The following UPP2 variants were observed in gnomAD, a reference collection of about 807,000 sequenced individuals.
The protein encoded by UPP2 is uridine phosphorylase 2, also known as UPase 2.
In UPP2, 23 loss-of-function variants were observed where a neutral mutation model predicts 26.7. The ratio of observed to expected loss-of-function variants is 0.86; its 90% CI spans 0.62 to 1.22. The LOEUF is 1.22. UPP2 is among the 50% of genes most tolerant of loss of function. The pLI, the probability that UPP2 is intolerant of heterozygous loss-of-function variation, is 0.00. For missense variants in UPP2, 387 were observed against 396.7 expected, an observed-to-expected ratio of 0.98 and a Z score of 0.21; for synonymous variants, 127 against 141.3, an observed-to-expected ratio of 0.90 and a Z score of 0.72.
At chr2:158,086,985 T>C (rs1682827515) in intron 3 of UPP2, among the ~76,000 whole-genome samples, 1 of 152,154 alleles carries the variant, frequency 6.6e-6, no homozygotes, top group Non-Finnish European at 1.5e-5. Context: ...GGTATAATGT[T>C]CTGTAAATAT....
intron 2 of UPP2, among the ~76,000 whole-genome samples, chr2:157,997,595 C>T (rs146103714): frequency 2.6e-4 from 40 of 152,272 alleles, no homozygotes; most frequent in African/African-American, 9.1e-4. Context: ...GGGGAAGATG[C>T]CACCATGGTC....
chr2:158,129,770 T>G (rs1683771842), intron 6 of UPP2, among the ~76,000 whole-genome samples: 2 of 147,138 alleles, frequency 1.4e-5, no homozygotes, highest in Admixed American at 6.7e-5. Flanking sequence ...TTTTTTTTTG[T>G]TTGTTTTTTT....
intron 3 of UPP2, among the ~76,000 whole-genome samples, chr2:158,020,563 C>G (rs1424000633): frequency 1.3e-5 from 2 of 152,218 alleles, no homozygotes; most frequent in African/African-American, 4.8e-5. Context: ...CTCACACTCC[C>G]TGATATTCCA....
Position 158,115,216 on chromosome 2 carries a change from A to G in UPP2, c.296A>G (p.Asp99Gly). 6.2e-7 allele frequency: 1 copy of G among 1,613,458 alleles called. No individual in the cohort carries two copies. The highest frequency in any genetic ancestry group is 8.5e-7 in the Non-Finnish European group (1 of 1,179,704). The change falls in exon 3 of 7, where the codon GAC (aspartate) becomes GGC (glycine). Residue 99 changes from aspartate (D) to glycine (G), a missense_variant. Transcript: ENST00000005756. ...ATAAAAGACATCTGTGCTGGGACAG[A>G]CAGATACTGTATGTACAAAACCGGG... The part of the protein sequence containing the change: ...EDIKDICAGT[D>G]RYCMYKTGPV...
chr2:158,086,800 T>C (rs1682824799), intron 3 of UPP2, among the ~76,000 whole-genome samples: 1 of 152,166 alleles, frequency 6.6e-6, no homozygotes, highest in South Asian at 2.1e-4. Context: ...TGCATGGTTT[T>C]GAAGGTTCCT....
intron 3 of UPP2, among the ~76,000 whole-genome samples, chr2:158,060,969 T>C (rs1004279993): frequency 1.3e-5 from 2 of 152,232 alleles, no homozygotes; most frequent in Admixed American, 6.5e-5. Flanking sequence ...ATGACTAATA[T>C]AGTTTGAGTG....
At chr2:158,075,818 A>G (rs1682622176) in intron 3 of UPP2, among the ~76,000 whole-genome samples, 1 of 152,002 alleles carries the variant, frequency 6.6e-6, no homozygotes, top group Non-Finnish European at 1.5e-5. Flanking sequence ...AAATTATTAG[A>G]AGAAAAGAAA....
chr2:158,036,008 C>T (rs978472449), intron 3 of UPP2, among the ~76,000 whole-genome samples: 1 of 152,188 alleles, frequency 6.6e-6, no homozygotes, highest in African/African-American at 2.4e-5. Flanking sequence ...GATGTTGTCA[C>T]TCCTCTGACA....
intron 3 of UPP2, chr2:158,066,075 G>A: frequency 3.9e-6 from 1 of 256,242 alleles, no homozygotes; most frequent in Non-Finnish European, 7.7e-6. Context: ...ATAAAACTGG[G>A]GTCCCTGATG....
chr2:158,086,449 GTTTAA>G (rs1409522463), intron 3 of UPP2, among the ~76,000 whole-genome samples: 2 of 151,784 alleles, frequency 1.3e-5, no homozygotes, highest in African/African-American at 2.4e-5. Flanking sequence ...CCAGCTTTTT[GTTTAA>G]TTTATCTTTT....
intron 3 of UPP2, among the ~76,000 whole-genome samples, chr2:158,023,107 G>T (rs1349552821): frequency 6.7e-6 from 1 of 148,810 alleles, no homozygotes; most frequent in Non-Finnish European, 1.5e-5. Context: ...GAGACAGGAG[G>T]CCTGATTGGG....
chr2:158,008,545 C>T (rs1484051871), intron 2 of UPP2, among the ~76,000 whole-genome samples: 1 of 152,148 alleles, frequency 6.6e-6, no homozygotes. Context: ...TGTACTGGCA[C>T]AATGAAATGG....
At chr2:158,109,451 G>C (rs960933917) in intron 2 of UPP2, among the ~76,000 whole-genome samples, 1 of 152,142 alleles carries the variant, frequency 6.6e-6, no homozygotes, top group African/African-American at 2.4e-5. Context: ...CTGGTGATTC[G>C]AGGACCCAGG....
At chr2:158,132,143 T>C (rs1193436867) in intron 6 of UPP2, among the ~76,000 whole-genome samples, 1 of 152,232 alleles carries the variant, frequency 6.6e-6, no homozygotes, top group Non-Finnish European at 1.5e-5. Context: ...ATTTGCTTGT[T>C]TACCTGTACA....
intron 3 of UPP2, among the ~76,000 whole-genome samples, chr2:158,036,735 T>A (rs1274167375): frequency 6.6e-6 from 1 of 152,200 alleles, no homozygotes; most frequent in Admixed American, 6.5e-5. Flanking sequence ...ACTTTTAAGT[T>A]CTCAACATGT....
chr2:158,001,307 T>C (rs112403979), intron 2 of UPP2, among the ~76,000 whole-genome samples: 89 of 152,284 alleles, frequency 5.8e-4, no homozygotes, highest in African/African-American at 2.0e-3. Flanking sequence ...CAAGGAGTAG[T>C]GCAGTACCCT....
chr2:158,084,089 T>C (rs1028107806), intron 3 of UPP2, among the ~76,000 whole-genome samples: 1 of 152,008 alleles, frequency 6.6e-6, no homozygotes, highest in African/African-American at 2.4e-5. Context: ...CTCCACACTG[T>C]TTTCCATGGT....
At chr2:158,086,695 T>C (rs1356545298) in intron 3 of UPP2, among the ~76,000 whole-genome samples, 1 of 152,158 alleles carries the variant, frequency 6.6e-6, no homozygotes, top group Non-Finnish European at 1.5e-5. Context: ...TGTGTCACTA[T>C]TATCTTTCAG....
At chr2:158,066,458 C>A (rs911935263) in intron 3 of UPP2, among the ~76,000 whole-genome samples, 5 of 152,136 alleles carry the variant, frequency 3.3e-5, no homozygotes, top group Admixed American at 1.3e-4. Context: ...TTTTTAGTAC[C>A]ATACAGAACT....
Sources: gnomAD v4.1 joint callset for allele counts (sites outside exome capture counted in the v4.1 genomes callset) on GRCh38, gnomAD v4.1.1 for gene constraint, MANE v1.5 for transcripts, NCBI Gene and HGNC (gene_info 2026-07-23, HGNC 2026-07-21) for gene names.